PPP2R2B: variants seen among roughly 807,000 people sequenced by gnomAD.
PPP2R2B encodes the protein protein phosphatase 2 regulatory subunit Bbeta.
In PPP2R2B, 5 loss-of-function variants were observed where a neutral mutation model predicts 46.0. That is an observed-to-expected ratio of 0.11 (90% CI 0.06 to 0.23). The LOEUF is 0.23. Among genes scored for constraint, PPP2R2B ranks in the 10% least tolerant of loss-of-function variants. The pLI, the probability that PPP2R2B is intolerant of heterozygous loss-of-function variation, is 1.00. For missense variants in PPP2R2B, 367 were observed against 575.0 expected (o/e 0.64, Z 3.70); for synonymous variants, 215 against 206.7 (o/e 1.04, Z -0.34).
intron 1 of PPP2R2B, among the ~76,000 whole-genome samples, chr5:146,924,894 A>G (rs1763729662): frequency 6.6e-6 from 1 of 152,156 alleles, no homozygotes; most frequent in Non-Finnish European, 1.5e-5. Flanking sequence ...GCTGCATAGT[A>G]TTCCACGGTG....
At chr5:146,729,523 C>T (rs1365948826) in intron 2 of PPP2R2B, among the ~76,000 whole-genome samples, 1 of 152,172 alleles carries the variant, frequency 6.6e-6, no homozygotes, top group African/African-American at 2.4e-5. Context: ...ATGTGAGAGA[C>T]CTTCATGACA....
At chr5:146,817,541 T>C (rs1009408832) in intron 2 of PPP2R2B, among the ~76,000 whole-genome samples, 1 of 152,256 alleles carries the variant, frequency 6.6e-6, no homozygotes, top group Non-Finnish European at 1.5e-5. Context: ...TTTTTTTTTA[T>C]TGTGAGCCTT....
chr5:146,651,693 T>A (rs322478), intron 5 of PPP2R2B, among the ~76,000 whole-genome samples: 14,397 of 152,188 alleles, frequency 0.095, 768 homozygotes, highest in African/African-American at 0.14. Flanking sequence ...AGAAACAAGA[T>A]AATAAAATAA....
At chr5:146,819,596 A>G (rs1241678820) in intron 2 of PPP2R2B, among the ~76,000 whole-genome samples, 2 of 152,232 alleles carry the variant, frequency 1.3e-5, no homozygotes, top group Non-Finnish European at 2.9e-5. Context: ...TGGAATAGTT[A>G]TCGTTTCCTC....
chr5:146,903,820 C>G (rs1187879590), intron 1 of PPP2R2B, among the ~76,000 whole-genome samples: 1 of 152,120 alleles, frequency 6.6e-6, no homozygotes, highest in East Asian at 1.9e-4. Flanking sequence ...TATCAGAATA[C>G]TCAGTTTTCT....
chr5:146,929,079 G>A (rs1372827733), intron 1 of PPP2R2B, among the ~76,000 whole-genome samples: 6 of 151,888 alleles, frequency 4.0e-5, no homozygotes, highest in Non-Finnish European at 5.9e-5. Context: ...TCTCAATGAC[G>A]CCCACCCTGT....
In PPP2R2B at chr5:146,706,249, G is replaced by T. The variant is rs113645813; in HGVS notation, c.71-5107C>A. 7.3e-4 allele frequency: 348 copies of T among 476,176 alleles called. 2 individuals are homozygous for T. The highest frequency in any genetic ancestry group is 6.2e-3 in the African/African-American group (311 of 50,020). 29.5% of individuals were successfully genotyped at this position (476,176 alleles called of 1,614,324 possible). ...CAGAGGACACCAGCTTCCCATCTCG[G>T]GTCTTGATCTTCTTCACAACCATGG... On this transcript the variant is annotated intron_variant, in intron 2 of 9. Coordinates refer to ENST00000394411, the MANE Select transcript of PPP2R2B (RefSeq NM_181675.4).
chr5:146,686,517 A>G (rs755642936), intron 5 of PPP2R2B, among the ~76,000 whole-genome samples: 20 of 152,178 alleles, frequency 1.3e-4, no homozygotes, highest in Admixed American at 3.3e-4. Flanking sequence ...AAGGATATAA[A>G]ATCTAGTACC....
intron 4 of PPP2R2B, among the ~76,000 whole-genome samples, chr5:146,695,317 C>A (rs1779114584): frequency 6.6e-6 from 1 of 151,646 alleles, no homozygotes; most frequent in Non-Finnish European, 1.5e-5. Flanking sequence ...GTACTAATTT[C>A]ATAGTGAGAA....
chr5:146,810,972 T>C (rs539562905), intron 2 of PPP2R2B, among the ~76,000 whole-genome samples: 4 of 146,892 alleles, frequency 2.7e-5, no homozygotes, highest in Non-Finnish European at 4.5e-5. Context: ...GAACATGCGG[T>C]GTTTGGTTTT....
chr5:147,006,470 C>T (rs555185658), intron 1 of PPP2R2B, among the ~76,000 whole-genome samples: 1 of 152,012 alleles, frequency 6.6e-6, no homozygotes, highest in East Asian at 1.9e-4. Context: ...GAAATCAGAC[C>T]CTATCTGTGC....
chr5:146,664,886 A>AGCTCTTGG (rs1776883646), intron 5 of PPP2R2B, among the ~76,000 whole-genome samples: 1 of 152,146 alleles, frequency 6.6e-6, no homozygotes, highest in East Asian at 1.9e-4. Flanking sequence ...TCTCCATCAG[A>AGCTCTTGG]GCTCTTGGGT....
At chr5:146,987,824 CAT>C (rs916433698) in intron 1 of PPP2R2B, among the ~76,000 whole-genome samples, 3 of 151,788 alleles carry the variant, frequency 2.0e-5, no homozygotes, top group Admixed American at 6.6e-5. Flanking sequence ...AGCTGAAAGA[CAT>C]AGAGTCACTG....
rs537900869 is a variant in PPP2R2B at position 146,757,034 on chromosome 5, T to C, written c.71-55892A>G. ...CTGAGTGAGAGTGGGGTTTTCTTGT[T>C]TTTAGGATGTGAAAGGCCAGCCTTT... On this transcript the variant is annotated intron_variant, in intron 2 of 9. Coordinates refer to ENST00000394411, the MANE Select transcript of PPP2R2B (RefSeq NM_181675.4). Among the ~76,000 whole-genome samples the C allele has an allele frequency of 2.0e-5, 3 of 152,214 alleles. No individual in the cohort carries two copies. The South Asian group carries it at 6.3e-4, about 32-fold the overall frequency.
At chr5:146,708,564 CTTT>C (rs919102428) in intron 2 of PPP2R2B, among the ~76,000 whole-genome samples, 8 of 151,960 alleles carry the variant, frequency 5.3e-5, no homozygotes, top group African/African-American at 1.9e-4. Flanking sequence ...TCATACTGCT[CTTT>C]TTAGTGGACA....
At chr5:146,963,195 T>C (rs1162269390) in intron 1 of PPP2R2B, among the ~76,000 whole-genome samples, 1 of 152,188 alleles carries the variant, frequency 6.6e-6, no homozygotes, top group Non-Finnish European at 1.5e-5. Context: ...TAACCTGGTA[T>C]CAAATCAAAT....
chr5:147,015,541 T>A (rs1754966004), intron 1 of PPP2R2B, among the ~76,000 whole-genome samples: 1 of 151,584 alleles, frequency 6.6e-6, no homozygotes, highest in African/African-American at 2.4e-5. Context: ...CCTTCTCTGA[T>A]TCCTCCAGCA....
chr5:146,929,276 C>T (rs574252597), intron 1 of PPP2R2B, among the ~76,000 whole-genome samples: 3 of 152,270 alleles, frequency 2.0e-5, no homozygotes, highest in East Asian at 3.9e-4. Flanking sequence ...TTCTCTAGAA[C>T]GTAACTCAAA....
chr5:146,841,021 G>C (rs866045621), intron 2 of PPP2R2B, among the ~76,000 whole-genome samples: 1 of 152,150 alleles, frequency 6.6e-6, no homozygotes, highest in Non-Finnish European at 1.5e-5. Flanking sequence ...TTTTGAACTA[G>C]AGTCTCTAAT....
Sources: gnomAD v4.1 joint callset for allele counts (sites outside exome capture counted in the v4.1 genomes callset) on GRCh38, gnomAD v4.1.1 for gene constraint, MANE v1.5 for transcripts, NCBI Gene and HGNC (gene_info 2026-07-23, HGNC 2026-07-21) for gene names.